CDKN2C: variants seen among roughly 807,000 people sequenced by gnomAD.
CDKN2C encodes the protein cyclin-dependent kinase 4 inhibitor C.
Under a neutral mutation model 11.0 loss-of-function variants are expected in CDKN2C, and 5 were observed. The observed-to-expected ratio is 0.45, with a 90% confidence interval of 0.24 to 0.95. CDKN2C has a LOEUF of 0.95. CDKN2C is among the 40% of genes least tolerant of loss of function. The probability of loss-of-function intolerance (pLI) is 0.21; values close to 1 mark genes in which losing one functional copy is unlikely to be tolerated. For missense variants in CDKN2C, 161 were observed against 211.9 expected, an observed-to-expected ratio of 0.76 and a Z score of 1.49; for synonymous variants, 79 against 88.3, an observed-to-expected ratio of 0.89 and a Z score of 0.59.
At chr1:50,962,256 T>C (rs567696670) in intron 1 of CDKN2C, among the ~76,000 whole-genome samples, 1 of 152,330 alleles carries the variant, frequency 6.6e-6, no homozygotes. Context: ...TGGTGGCATA[T>C]GCCTGTAGTC....
At chr1:50,961,171 G>C (rs1447485345) in intron 1 of CDKN2C, among the ~76,000 whole-genome samples, 1 of 152,114 alleles carries the variant, frequency 6.6e-6, no homozygotes, top group African/African-American at 2.4e-5. Context: ...TAGTAGCTGG[G>C]ATTACAGGCT....
intron 1 of CDKN2C, among the ~76,000 whole-genome samples, chr1:50,973,632 C>G (rs984373386): frequency 6.6e-6 from 1 of 152,166 alleles, no homozygotes; most frequent in African/African-American, 2.4e-5. Flanking sequence ...TGCACAAATT[C>G]TATCTTATTG....
chr1:50,965,464 T>TCC (rs1159606824), upstream of CDKN2C, among the ~76,000 whole-genome samples: 1 of 151,950 alleles, frequency 6.6e-6, no homozygotes, highest in Non-Finnish European at 1.5e-5. Flanking sequence ...GCCACTGCAC[T>TCC]CCAGCCTGAT....
intron 1 of CDKN2C, among the ~76,000 whole-genome samples, chr1:50,963,236 T>C (rs1645334128): frequency 1.3e-5 from 2 of 152,242 alleles, no homozygotes; most frequent in Non-Finnish European, 2.9e-5. Flanking sequence ...TTTTCATATA[T>C]GTATGTTTAA....
At chr1:50,971,128 G>A (rs1470958532) in intron 1 of CDKN2C, among the ~76,000 whole-genome samples, 1 of 152,184 alleles carries the variant, frequency 6.6e-6, no homozygotes, top group East Asian at 1.9e-4. Context: ...TGTCTCTACG[G>A]TCATGCCGTG....
intron 1 of CDKN2C, 45 bp from the exon 2 acceptor site, chr1:50,973,848 A>G: frequency 6.3e-7 from 1 of 1,597,070 alleles, no homozygotes; most frequent in Non-Finnish European, 8.6e-7. Context: ...ATATCTCTGT[A>G]GCATATGCAC....
chr1:50,963,388 G>A (rs557230104), intron 1 of CDKN2C, among the ~76,000 whole-genome samples: 1 of 152,174 alleles, frequency 6.6e-6, no homozygotes, highest in African/African-American at 2.4e-5. Flanking sequence ...ATTTTTATTG[G>A]GAGTCTACTA....
At chr1:50,971,914 A>G (rs1326857154) in intron 1 of CDKN2C, among the ~76,000 whole-genome samples, 1 of 152,170 alleles carries the variant, frequency 6.6e-6, no homozygotes. Context: ...AACGAAACAC[A>G]CACACAGAAA....
upstream of CDKN2C, among the ~76,000 whole-genome samples, chr1:50,965,953 C>A (rs1645345096): frequency 6.6e-6 from 1 of 152,092 alleles, no homozygotes; most frequent in African/African-American, 2.4e-5. Context: ...AAAAGTTAAT[C>A]ATTCAGAAAC....
intron 1 of CDKN2C, among the ~76,000 whole-genome samples, chr1:50,965,096 A>AGATG (rs1323221615): frequency 6.6e-6 from 1 of 152,206 alleles, no homozygotes; most frequent in Admixed American, 6.5e-5. Context: ...ATAGATAGAT[A>AGATG]GATATGCATC....
At chr1:50,963,572 G>A (rs1350593650) in intron 1 of CDKN2C, among the ~76,000 whole-genome samples, 1 of 152,162 alleles carries the variant, frequency 6.6e-6, no homozygotes, top group Non-Finnish European at 1.5e-5. Context: ...TGTTGCCTCT[G>A]TACAATTTCC....
chr1:50,961,139 G>A (rs1052381824), intron 1 of CDKN2C, among the ~76,000 whole-genome samples: 8 of 152,240 alleles, frequency 5.3e-5, no homozygotes, highest in Middle Eastern at 3.4e-3. Flanking sequence ...GGGTTCAAGC[G>A]ATTCTCCTGC....
At chr1:50,967,373 TAAGAA>T (rs936182215), upstream of CDKN2C, among the ~76,000 whole-genome samples, 1 of 152,228 alleles carries the variant, frequency 6.6e-6, no homozygotes, top group African/African-American at 2.4e-5. Flanking sequence ...TTTAGTTACC[TAAGAA>T]AAGAACTCTA....
rs1645372849 is a variant in CDKN2C, at chr1:50,970,302, G to C, written c.-67G>C. 6.3e-7 allele frequency: 1 copy of C among 1,598,010 alleles called. No individual in the cohort carries two copies. Among genetic ancestry groups the C allele is most frequent in the Non-Finnish European group, 8.5e-7 (1 of 1,171,872 alleles). On this transcript the variant is annotated 5_prime_UTR_variant, in exon 1 of 2. Coordinates refer to ENST00000371761, the MANE Select transcript of CDKN2C (RefSeq NM_078626.3). ...CGATGCCATCATGCAGCCTGGTTAG[G>C]AGCAAAGGAAAGGGGAAAAAGAAAA...
At chr1:50,971,880 T>C (rs923395674) in intron 1 of CDKN2C, among the ~76,000 whole-genome samples, 1 of 152,190 alleles carries the variant, frequency 6.6e-6, no homozygotes, top group Admixed American at 6.5e-5. Context: ...CACCCACTTA[T>C]TGTGGCTTAG....
At chr1:50,972,023 C>G (rs1347672611) in intron 1 of CDKN2C, among the ~76,000 whole-genome samples, 1 of 152,012 alleles carries the variant, frequency 6.6e-6, no homozygotes, top group Non-Finnish European at 1.5e-5. Context: ...TCCAATATTG[C>G]TATTATTTTC....
chr1:50,967,381 G>T (rs1326107367), upstream of CDKN2C, among the ~76,000 whole-genome samples: 1 of 152,164 alleles, frequency 6.6e-6, no homozygotes, highest in Non-Finnish European at 1.5e-5. Context: ...CCTAAGAAAA[G>T]AACTCTAGTT....
intron 1 of CDKN2C, among the ~76,000 whole-genome samples, chr1:50,963,547 T>A (rs1645335014): frequency 6.6e-6 from 1 of 152,194 alleles, no homozygotes; most frequent in Non-Finnish European, 1.5e-5. Flanking sequence ...AAATTAGTGC[T>A]CCTTCCACTT....
chr1:50,967,002 A>G (rs999649515), upstream of CDKN2C, among the ~76,000 whole-genome samples: 3 of 152,220 alleles, frequency 2.0e-5, no homozygotes, highest in African/African-American at 7.2e-5. Context: ...AGCAATAAGC[A>G]TTTTATTTCA....
Sources: allele counts gnomAD v4.1 joint callset (sites outside exome capture counted in the v4.1 genomes callset), GRCh38; gene constraint gnomAD v4.1.1; transcripts MANE v1.5; gene names NCBI Gene and HGNC (gene_info 2026-07-23, HGNC 2026-07-21).